TRPM2: variants seen among roughly 807,000 people sequenced by gnomAD.
TRPM2 encodes transient receptor potential cation channel subfamily M member 2.
In TRPM2, 161 loss-of-function variants were observed where a neutral mutation model predicts 174.0. That is an observed-to-expected ratio of 0.93 (90% CI 0.81 to 1.05). TRPM2 has a LOEUF of 1.05. Ranked by LOEUF, TRPM2 falls within the 50% of genes least tolerant of loss-of-function variation. The pLI is 0.00. For synonymous variants in TRPM2, 954 were observed against 861.3 expected, an observed-to-expected ratio of 1.11 and a Z score of -1.88; for missense variants, 2,057 against 2,038.0, an observed-to-expected ratio of 1.01 and a Z score of -0.18.
At chr21:44,420,041 C>A (rs1190943581) in intron 22 of TRPM2, among the ~76,000 whole-genome samples, 1 of 151,938 alleles carries the variant, frequency 6.6e-6, no homozygotes, top group East Asian at 1.9e-4. Flanking sequence ...AATGTGAGGA[C>A]CTTAATGAAC....
In TRPM2 at chr21:44,399,441, G is replaced by A. The variant is rs755296423; in HGVS notation, c.2208G>A (p.Gln736=). Residue 736 remains glutamine, a splice_region_variant and synonymous_variant, in exon 14 of 32, where the codon CAG becomes CAA. Coordinates refer to ENST00000397928, the MANE Select transcript of TRPM2 (RefSeq NM_003307.4). The surrounding 1 kb of genome is among the most constrained non-coding windows in gnomAD (Gnocchi z 4.6). ...AGTTTGTGTCTCACGGGGGCATCCA[G>A]GTGACCTCCCAAGAGCCCCTTCCAG... The part of the protein sequence containing the change: ...DMKFVSHGGI[Q]AFLTKVWWGQ... The A allele has an allele frequency of 6.2e-6, 10 of 1,610,692 alleles. No individual in the cohort carries two copies. The highest frequency in any genetic ancestry group is 1.7e-4 in the Middle Eastern group (1 of 6,018).
At chr21:44,422,338 C>A (rs1004919294) in intron 22 of TRPM2, 2 of 1,536,116 alleles carry the variant, frequency 1.3e-6, no homozygotes, top group Non-Finnish European at 1.7e-6. Context: ...CTGCATCTCA[C>A]GGTGGTGGAA....
Position 44,384,923 on chromosome 21 carries a change from G to A in TRPM2, c.1318+2103G>A, listed in dbSNP as rs185820188. On this transcript the variant is annotated intron_variant, in intron 9 of 31. Coordinates refer to ENST00000397928, the MANE Select transcript of TRPM2 (RefSeq NM_003307.4). ...TTTCCCCAACAATTCAAGAAGGAAG[G>A]CTTCCTAATTCATTCTGTGAGGCCA... is the stretch of plus-strand genomic sequence containing the variant. Among the ~76,000 whole-genome samples, 443 of 152,288 alleles carry A rather than the reference G, an allele frequency of 2.9e-3. 1 individual carries two copies. The highest frequency in any genetic ancestry group is 9.9e-3 in the African/African-American group (411 of 41,558).
chr21:44,352,000 G>C (rs765381937), upstream of TRPM2, among the ~76,000 whole-genome samples: 1 of 152,208 alleles, frequency 6.6e-6, no homozygotes, highest in Non-Finnish European at 1.5e-5. Flanking sequence ...CGTTTCCAGC[G>C]TGGAGCCATC....
intron 12 of TRPM2, among the ~76,000 whole-genome samples, chr21:44,396,636 C>G (rs927672153): frequency 5.5e-3 from 45 of 8,152 alleles, no homozygotes; most frequent in Non-Finnish European, 6.0e-3. Context: ...GTGTGGAGGG[C>G]TGTGGAGGGG....
At position 44,354,659 on chromosome 21, in the gene TRPM2, C is replaced by T. The variant is rs1431353359; in HGVS notation, c.177C>T (p.Leu59=). Residue 59 remains leucine (L), a synonymous_variant, in exon 2 of 32, where the codon CTC becomes CTT. Transcript: ENST00000397928. This position sits in a 1 kb window ranked among gnomAD's most constrained non-coding sequence, Gnocchi z 4.3. The stretch of plus-strand genomic sequence containing the variant: ...GTCTTTACCTTCAGCAAGAAAGCCT[C>T]AGTTCGTGGATTCCTGAAAACATCA... The part of the protein sequence containing the change: ...PFGNNDKQES[L]SSWIPENIKK... 5.0e-6 allele frequency: 8 copies of T among 1,614,088 alleles called. No homozygotes were observed. Among genetic ancestry groups the T allele is most frequent in the Non-Finnish European group, 6.8e-6 (8 of 1,180,024 alleles).
In TRPM2 at chr21:44,430,518, T is replaced by C. The variant is rs2050982973; in HGVS notation, c.3974+3407T>C. Among the ~76,000 whole-genome samples the C allele has an allele frequency of 3.9e-5, 2 of 50,744 alleles. 1 individual carries two copies. The highest frequency in any genetic ancestry group is 1.3e-3 in the South Asian group (2 of 1,486). The allele number at this position is 50,744 out of a possible 152,430, so 33.3% of individuals were successfully genotyped here. A position where few individuals can be genotyped will look rare whatever the true frequency, so the allele number is the denominator to read the frequency against. On this transcript the variant is annotated intron_variant, in intron 27 of 31. Transcript: ENST00000397928. ...AATCTCGGCTCACTGCAAGCTCCGCTTCCCGGGTTCACGCCATTCTCCTGC... is the reference window on the plus strand; with the variant it reads ...AATCTCGGCTCACTGCAAGCTCCGCCTCCCGGGTTCACGCCATTCTCCTGC...
Position 44,353,646 on chromosome 21 carries a change from A to G in TRPM2, c.-55A>G, listed in dbSNP as rs1054067763. On this transcript the variant is annotated 5_prime_UTR_variant, in exon 1 of 32. Coordinates refer to ENST00000397928, the MANE Select transcript of TRPM2 (RefSeq NM_003307.4). ...AGAACCCCAGTGTAGCGAGCTGGAG[A>G]GAGGACTGTCCTGAGGGCAGCAGGC... The G allele has an allele frequency of 5.0e-6, 7 of 1,405,236 alleles. No homozygotes were observed. The African/African-American group carries it at 6.1e-5, about 12-fold the overall frequency. 87.0% of individuals were successfully genotyped at this position (1,405,236 alleles called of 1,614,324 possible). A position where few individuals can be genotyped will look rare whatever the true frequency, so the allele number is the denominator to read the frequency against.
chr21:44,442,199 G>A lies in TRPM2; in HGVS notation c.*382G>A, dbSNP rs554075206. Reference sequence around the variant, plus strand: ...GTCATTGGCCTGAGGCAAGTTCCCCGGAGAGTCGGGGTCCCCTGTGGCCCC... The same window carrying A: ...GTCATTGGCCTGAGGCAAGTTCCCCAGAGAGTCGGGGTCCCCTGTGGCCCC... On this transcript the variant is annotated 3_prime_UTR_variant, in exon 32 of 32. Transcript: ENST00000397928. 9 of 180,572 alleles carry A rather than the reference G, an allele frequency of 5.0e-5. No individual in the cohort carries two copies. The highest frequency in any genetic ancestry group is 1.2e-4 in the Admixed American group (2 of 16,050). 11.2% of individuals were successfully genotyped at this position (180,572 alleles called of 1,614,324 possible).
chr21:44,424,510 T>C (rs529484562), intron 23 of TRPM2, among the ~76,000 whole-genome samples: 3 of 152,328 alleles, frequency 2.0e-5, no homozygotes, highest in East Asian at 1.9e-4. Context: ...GCCTGTGACC[T>C]CTCCCTGTGG....
chr21:44,358,945 C>T (rs894579117), intron 2 of TRPM2, among the ~76,000 whole-genome samples: 3 of 152,210 alleles, frequency 2.0e-5, no homozygotes, highest in Non-Finnish European at 4.4e-5. Context: ...GACTCCTCAG[C>T]GTGAAAGGGG....
chr21:44,413,271 T>C (rs2050165728), intron 19 of TRPM2, among the ~76,000 whole-genome samples: 1 of 149,286 alleles, frequency 6.7e-6, no homozygotes, highest in Admixed American at 6.7e-5. Context: ...AGACATTTGC[T>C]CTTGTTGCCC....
rs199615188 is a variant in TRPM2, at chr21:44,391,528, G to T, written c.1697G>T (p.Arg566Leu). 211 of 1,605,908 alleles carry T rather than the reference G, an allele frequency of 1.3e-4. No individual in the cohort carries two copies. The African/African-American group carries it at 2.4e-3, about 18-fold the overall frequency. ...ATGCACCACGTGGCCCAGGTGCTGC[G>T]GGAGCTGCTGGGGGACTTCACGCAG... ...LQMHHVAQVL[R>L]ELLGDFTQPL... Residue 566 changes from arginine (R) to leucine (L), a missense_variant, in exon 11 of 32, where the codon CGG becomes CTG. Coordinates refer to ENST00000397928, the MANE Select transcript of TRPM2 (RefSeq NM_003307.4). This position sits in a 1 kb window ranked among gnomAD's most constrained non-coding sequence, Gnocchi z 5.0.
upstream of TRPM2, among the ~76,000 whole-genome samples, chr21:44,352,642 C>T (rs1309597882): frequency 6.6e-6 from 1 of 152,146 alleles, no homozygotes; most frequent in Admixed American, 6.5e-5. Context: ...CATGGATGAC[C>T]TCATGAGAAC....
Position 44,353,883 on chromosome 21 carries a change from C to T in TRPM2, c.165+18C>T, listed in dbSNP as rs931188543. The stretch of plus-strand genomic sequence containing the variant: ...ATGACAAGGTAGGCTTTCTGCTGGT[C>T]AGCCTGCAGTTGGCACGTGGCCACG... On this transcript the variant is annotated intron_variant, in intron 1 of 31. Coordinates refer to ENST00000397928, the MANE Select transcript of TRPM2 (RefSeq NM_003307.4). 6.3e-7 allele frequency: 1 copy of T among 1,594,694 alleles called. No individual in the cohort carries two copies. The highest frequency in any genetic ancestry group is 1.1e-5 in the South Asian group (1 of 88,170).
intron 8 of TRPM2, among the ~76,000 whole-genome samples, chr21:44,381,977 GATAGATAGATA>G: frequency 6.7e-6 from 1 of 149,010 alleles, no homozygotes; most frequent in East Asian, 1.9e-4. Context: ...TAGATAGATA[GATAGATAGATA>G]GATAGATGGA....
rs2048294877 is a variant in TRPM2 at position 44,364,230 on chromosome 21, C to A, written c.371C>A (p.Thr124Asn). 1 of 1,614,122 alleles carries A rather than the reference C, an allele frequency of 6.2e-7. No individual in the cohort carries two copies. The highest frequency in any genetic ancestry group is 1.3e-5 in the African/African-American group (1 of 74,946). Residue 124 changes from threonine (T) to asparagine (N), a missense_variant, in exon 3 of 32, where the codon ACC (threonine) becomes AAC (asparagine). Physicochemically the swap from Thr to Asn is moderately conservative, Grantham distance 65. Coordinates refer to ENST00000397928, the MANE Select transcript of TRPM2 (RefSeq NM_003307.4). ...AAGAAACATGTCCAGGAGATGCCAA[C>A]CGATGCCTTTGGCGACATCGTCTTC... is the stretch of plus-strand genomic sequence containing the variant. ...DPKKHVQEMPTDAFGDIVFTG... is the reference protein window; with the variant it reads ...DPKKHVQEMPNDAFGDIVFTG...
Position 44,376,631 on chromosome 21 carries a change from CTTT to C in TRPM2, c.952+621_952+623del, listed in dbSNP as rs1453943550. Among the ~76,000 whole-genome samples the C allele has an allele frequency of 1.3e-5, 2 of 152,168 alleles. No individual in the cohort carries two copies. Among genetic ancestry groups the C allele is most frequent in the African/African-American group, 4.8e-5 (2 of 41,432 alleles). On this transcript the variant is annotated intron_variant, in intron 6 of 31. Transcript: ENST00000397928. The surrounding 1 kb of genome is among the most constrained non-coding windows in gnomAD (Gnocchi z 4.2). ...ATAGTCAAAACTTAGGATTTGATAC[CTTT>C]TTCCTCATAGGTGGGATGGGATGGG...
chr21:44,364,927 C>T (rs868232894), intron 3 of TRPM2, among the ~76,000 whole-genome samples: 7 of 152,244 alleles, frequency 4.6e-5, no homozygotes, highest in African/African-American at 1.7e-4. Flanking sequence ...TTCTCAGGCC[C>T]CATCCCAGGC....
Sources: allele counts gnomAD v4.1 joint callset (sites outside exome capture counted in the v4.1 genomes callset), GRCh38; gene constraint gnomAD v4.1.1; non-coding constraint Gnocchi (gnomAD v3.1); transcripts MANE v1.5; gene names NCBI Gene and HGNC (gene_info 2026-07-23, HGNC 2026-07-21).